Variants in DCLK2 observed in about 807,000 individuals in gnomAD.
DCLK2 encodes the protein serine/threonine-protein kinase DCLK2.
Under a neutral mutation model 78.4 loss-of-function variants are expected in DCLK2, and 31 were observed. The ratio of observed to expected loss-of-function variants is 0.40; its 90% CI spans 0.30 to 0.53. The LOEUF is 0.53. DCLK2 is among the 20% of genes least tolerant of loss of function. DCLK2 has a pLI of 0.61. For missense variants in DCLK2, 872 were observed against 973.7 expected, an observed-to-expected ratio of 0.90 and a Z score of 1.39; for synonymous variants, 407 against 374.9, an observed-to-expected ratio of 1.09 and a Z score of -0.99.
In DCLK2 at chr4:150,079,034, A is replaced by G; in HGVS notation, c.7A>G (p.Ser3Gly). ...CGCCCTCGGAGCAGCCGCGATGGCC[A>G]GCACCAGGAGTATCGAGCTGGAGCA... is the stretch of plus-strand genomic sequence containing the variant. MA[S>G]TRSIELEHFE... is the part of the protein sequence containing the mutation. Residue 3 changes from serine (S) to glycine (G), a missense_variant, in exon 1 of 16, where the codon AGC becomes GGC. Coordinates refer to ENST00000296550, the MANE Select transcript of DCLK2 (RefSeq NM_001040260.4). The G allele has an allele frequency of 6.5e-7, 1 of 1,531,528 alleles. No individual in the cohort carries two copies. The allele number at this position is 1,531,528 out of a possible 1,614,324, so 94.9% of individuals were successfully genotyped here.
At chr4:150,223,797 T>C (rs1431074374) in intron 7 of DCLK2, among the ~76,000 whole-genome samples, 4 of 151,492 alleles carry the variant, frequency 2.6e-5, no homozygotes, top group Non-Finnish European at 5.9e-5. Flanking sequence ...CTTATATCCA[T>C]GCGAATGATC....
At chr4:150,228,822 C>T (rs532547641) in intron 8 of DCLK2, among the ~76,000 whole-genome samples, 10 of 150,618 alleles carry the variant, frequency 6.6e-5, no homozygotes, top group South Asian at 2.1e-4. Flanking sequence ...GTCAGGAGAT[C>T]GAGACCATCC....
At chr4:150,133,008 A>T (rs925251539) in intron 2 of DCLK2, among the ~76,000 whole-genome samples, 2 of 152,192 alleles carry the variant, frequency 1.3e-5, no homozygotes, top group African/African-American at 4.8e-5. Flanking sequence ...ATGTATACTG[A>T]TGATTGATTA....
intron 2 of DCLK2, among the ~76,000 whole-genome samples, chr4:150,177,830 A>G (rs1737200866): frequency 6.6e-6 from 1 of 152,234 alleles, no homozygotes; most frequent in Admixed American, 6.5e-5. Flanking sequence ...CCTCTATAAT[A>G]TGAGGTCTGA....
chr4:150,102,569 T>C lies in DCLK2; in HGVS notation c.513T>C (p.Gly171=). 6.2e-7 allele frequency: 1 copy of C among 1,614,144 alleles called. No homozygotes were observed. Among genetic ancestry groups the C allele is most frequent in the East Asian group, 2.2e-5 (1 of 44,882 alleles). ...CAAACTGGTCTGTGAACATCAAGGG[T>C]GGGACATCCCGAGCGCTGGCTGCTG... ...INPNWSVNIK[G]GTSRALAAAS... The change falls in exon 2 of 16, where the codon GGT becomes GGC. Residue 171 remains glycine, a synonymous_variant. Transcript: ENST00000296550.
chr4:150,125,898 A>G (rs578024516), intron 2 of DCLK2, among the ~76,000 whole-genome samples: 1 of 152,264 alleles, frequency 6.6e-6, no homozygotes, highest in South Asian at 2.1e-4. Flanking sequence ...CTCAAAAAAA[A>G]ACCACAAAAA....
intron 15 of DCLK2, chr4:150,254,551 AT>A: frequency 2.5e-6 from 1 of 398,370 alleles, no homozygotes; most frequent in Admixed American, 4.4e-5. Flanking sequence ...CCCAGGAGAC[AT>A]TTTGTGGTAG....
chr4:150,232,809 T>G lies in DCLK2; in HGVS notation c.1547T>G (p.Ile516Ser). Reference protein sequence around the residue: ...LHGLSIVHRDIKPENLLVCEY... With the variant: ...LHGLSIVHRDSKPENLLVCEY... ...GGCCTCAGCATCGTGCACAGAGACA[T>G]CAAACCAGAGAATCTCTTGGTATGT... Residue 516 changes from isoleucine (I) to serine (S), a missense_variant, in exon 10 of 16, where the codon ATC becomes AGC. Coordinates refer to ENST00000296550, the MANE Select transcript of DCLK2 (RefSeq NM_001040260.4). 1.2e-6 allele frequency: 2 copies of G among 1,612,978 alleles called. No homozygotes were observed. Among genetic ancestry groups the G allele is most frequent in the Non-Finnish European group, 1.7e-6 (2 of 1,179,300 alleles).
chr4:150,104,154 A>T (rs1378856570), intron 2 of DCLK2, among the ~76,000 whole-genome samples: 1 of 152,050 alleles, frequency 6.6e-6, no homozygotes. Context: ...GTAAATACAG[A>T]TGTGATTTGA....
At position 150,219,321 on chromosome 4, in the gene DCLK2, C is replaced by T. The variant is rs1000539018; in HGVS notation, c.1057-1382C>T. On this transcript the variant is annotated intron_variant, in intron 5 of 15. Coordinates refer to ENST00000296550, the MANE Select transcript of DCLK2 (RefSeq NM_001040260.4). Reference sequence around the variant, plus strand: ...TTCGCTCTTGTTGCCTATGCTGGAGCACAGTGGTACGATCTCAGCTCACTG... The same window carrying T: ...TTCGCTCTTGTTGCCTATGCTGGAGTACAGTGGTACGATCTCAGCTCACTG... 2.8e-4 allele frequency among the ~76,000 whole-genome samples: 38 copies of T among 135,526 alleles called. 1 individual carries two copies. Among genetic ancestry groups the T allele is most frequent in the Middle Eastern group, 5.0e-3 (1 of 200 alleles). 88.9% of individuals were successfully genotyped at this position (135,526 alleles called of 152,430 possible).
chr4:150,180,514 A>T (rs965767612), intron 2 of DCLK2, among the ~76,000 whole-genome samples: 1 of 152,226 alleles, frequency 6.6e-6, no homozygotes, highest in African/African-American at 2.4e-5. Context: ...AGTTCCAGTC[A>T]CATCTGCTTG....
chr4:150,185,558 A>G (rs548403805), intron 2 of DCLK2, among the ~76,000 whole-genome samples: 2 of 152,172 alleles, frequency 1.3e-5, no homozygotes, highest in East Asian at 3.9e-4. Flanking sequence ...TACTAAAAGT[A>G]CAAGAATTAG....
At chr4:150,195,421 TA>T (rs1360615036) in intron 3 of DCLK2, among the ~76,000 whole-genome samples, 2 of 4,182 alleles carry the variant, frequency 4.8e-4, no homozygotes, top group Non-Finnish European at 1.2e-3. Flanking sequence ...ATATATTATA[TA>T]ATATTATATA....
In DCLK2 at chr4:150,203,852, C is replaced by G; in HGVS notation, c.1019C>G (p.Ser340Cys). Residue 340 changes from serine (S) to cysteine (C), a missense_variant, in exon 5 of 16, where the codon TCC (serine) becomes TGC (cysteine). This residue lies in a region of DCLK2 where 567 missense variants were observed against 593.4 expected (regional missense o/e 0.96). Transcript: ENST00000296550. ...CCTAAATCTACGAAATCCTCCAGTT[C>G]CTCTCCAACTAGTCCAGGAAGTTTC... The part of the protein sequence containing the change: ...STPKSTKSSS[S>C]SPTSPGSFRG... The G allele has an allele frequency of 6.2e-7, 1 of 1,613,902 alleles. No individual in the cohort carries two copies. Among genetic ancestry groups the G allele is most frequent in the Non-Finnish European group, 8.5e-7 (1 of 1,179,906 alleles).
intron 13 of DCLK2, 104 bp downstream of exon 13, chr4:150,247,803 G>T: frequency 1.2e-6 from 1 of 845,312 alleles, no homozygotes; most frequent in Non-Finnish European, 1.8e-6. Flanking sequence ...AAAGCTCCTT[G>T]GCTTTTAATG....
chr4:150,084,010 AGTG>A (rs1278003144), intron 1 of DCLK2, among the ~76,000 whole-genome samples: 1 of 152,360 alleles, frequency 6.6e-6, no homozygotes, highest in Non-Finnish European at 1.5e-5. Flanking sequence ...CTGTAAATGA[AGTG>A]GTGATGACAT....
At chr4:150,107,024 G>A (rs1301073813) in intron 2 of DCLK2, among the ~76,000 whole-genome samples, 1 of 152,214 alleles carries the variant, frequency 6.6e-6, no homozygotes, top group Non-Finnish European at 1.5e-5. Context: ...ACTGTCTGAA[G>A]TCATTTTTTG....
chr4:150,107,851 G>A (rs1731384643), intron 2 of DCLK2, among the ~76,000 whole-genome samples: 2 of 152,156 alleles, frequency 1.3e-5, no homozygotes, highest in Non-Finnish European at 2.9e-5. Flanking sequence ...TTTGCCTGTA[G>A]TCCCAGTTAC....
intron 2 of DCLK2, among the ~76,000 whole-genome samples, chr4:150,152,142 A>G (rs1379755698): frequency 6.6e-6 from 1 of 152,200 alleles, no homozygotes; most frequent in Non-Finnish European, 1.5e-5. Flanking sequence ...AGGAGGAAAA[A>G]CAGGGAACAG....
Sources: gnomAD v4.1 joint callset for allele counts (sites outside exome capture counted in the v4.1 genomes callset) on GRCh38, gnomAD v4.1.1 for gene constraint, gnomAD v4.1.1 regional missense constraint, MANE v1.5 for transcripts, NCBI Gene and HGNC (gene_info 2026-07-23, HGNC 2026-07-21) for gene names.